The following STK10 variants were observed in gnomAD, a reference collection of about 807,000 sequenced individuals.
The protein encoded by STK10 is serine/threonine-protein kinase 10.
Under a neutral mutation model 113.8 loss-of-function variants are expected in STK10, and 78 were observed. The ratio of observed to expected loss-of-function variants is 0.69; its 90% CI spans 0.57 to 0.83. The LOEUF is 0.83. Among genes scored for constraint, STK10 ranks in the 40% least tolerant of loss-of-function variants. STK10 has a pLI of 0.00. For missense variants in STK10, 1,109 were observed against 1,280.1 expected (o/e 0.87, Z 2.04); for synonymous variants, 465 against 494.7 (o/e 0.94, Z 0.80).
At chr5:172,158,767 G>A (rs546873783) in intron 1 of STK10, among the ~76,000 whole-genome samples, 13 of 152,300 alleles carry the variant, frequency 8.5e-5, no homozygotes, top group African/African-American at 2.9e-4. Flanking sequence ...AAAACATTAT[G>A]TAAAGTGAAA....
chr5:172,161,692 A>G (rs780846382), intron 1 of STK10, among the ~76,000 whole-genome samples: 1 of 152,172 alleles, frequency 6.6e-6, no homozygotes, highest in Non-Finnish European at 1.5e-5. Flanking sequence ...AGTGCTGCTT[A>G]TATGTGTCAG....
intron 9 of STK10, chr5:172,092,679 T>G (rs1331853586): frequency 6.6e-6 from 1 of 152,200 alleles, no homozygotes; most frequent in Non-Finnish European, 1.5e-5. Flanking sequence ...TCATACAGTA[T>G]TTCCTCTAAA....
At position 172,106,709 on chromosome 5, in the gene STK10, G is replaced by C. The variant is rs141871386; in HGVS notation, c.699C>G (p.Ile233Met). 1.2e-5 allele frequency: 20 copies of C among 1,614,004 alleles called. No individual in the cohort carries two copies. The highest frequency in any genetic ancestry group is 1.7e-5 in the Non-Finnish European group (20 of 1,180,020). Residue 233 changes from isoleucine (I) to methionine (M), a missense_variant, in exon 6 of 19, where the codon ATC (isoleucine) becomes ATG (methionine). Physicochemically the swap from Ile to Met is conservative, Grantham distance 10. Transcript: ENST00000176763. ...LGITLIEMAQ[I>M]EPPHHELNPM... ...GGTTGAGCTCGTGGTGTGGCGGCTCGATCTGGGCCATCTCAATCAGCGTGA... is the reference window on the plus strand; with the variant it reads ...GGTTGAGCTCGTGGTGTGGCGGCTCCATCTGGGCCATCTCAATCAGCGTGA...
At position 172,096,477 on chromosome 5, in the gene STK10, G is replaced by A. The variant is rs142366137; in HGVS notation, c.954C>T (p.Ile318=). 1.2e-5 allele frequency: 20 copies of A among 1,613,614 alleles called. No individual in the cohort carries two copies. In the African/African-American group the frequency reaches 1.5e-4, roughly 12 times the overall value. ...AEAKAEVMEE[I]EDGRDEGEEE... Reference sequence around the variant, plus strand: ...CTTCCCCCTCATCCCGGCCGTCTTCGATCTCTTCCATCACCTCGGCCTTGG... The same window carrying A: ...CTTCCCCCTCATCCCGGCCGTCTTCAATCTCTTCCATCACCTCGGCCTTGG... Residue 318 remains isoleucine (I), a synonymous_variant, in exon 8 of 19, where the codon ATC becomes ATT. Coordinates refer to ENST00000176763, the MANE Select transcript of STK10 (RefSeq NM_005990.4).
At chr5:172,090,679 G>GC (rs1768681473) in intron 9 of STK10, among the ~76,000 whole-genome samples, 1 of 151,924 alleles carries the variant, frequency 6.6e-6, no homozygotes, top group Admixed American at 6.6e-5. Context: ...GCTTACGCTT[G>GC]TAATCCCAGC....
At chr5:172,058,890 A>AAAAAAC (rs1431629002) in intron 14 of STK10, among the ~76,000 whole-genome samples, 1 of 151,704 alleles carries the variant, frequency 6.6e-6, no homozygotes, top group South Asian at 2.1e-4. Flanking sequence ...ACTTGGTCTC[A>AAAAAAC]AAAAACAAAA....
chr5:172,143,258 C>G (rs929605817), intron 2 of STK10, among the ~76,000 whole-genome samples: 3 of 152,022 alleles, frequency 2.0e-5, no homozygotes, highest in Admixed American at 6.6e-5. Context: ...CCCAGCTACT[C>G]GGGAGGCTGA....
chr5:172,103,019 T>C (rs968145299), intron 7 of STK10, among the ~76,000 whole-genome samples: 1 of 152,132 alleles, frequency 6.6e-6, no homozygotes. Flanking sequence ...AGTCAATGAA[T>C]GAATCACAAA....
intron 1 of STK10, among the ~76,000 whole-genome samples, chr5:172,174,333 A>T (rs1770716709): frequency 6.6e-6 from 1 of 152,008 alleles, no homozygotes; most frequent in Non-Finnish European, 1.5e-5. Context: ...CATCACGCCC[A>T]GCCAATTTTT....
intron 1 of STK10, among the ~76,000 whole-genome samples, chr5:172,159,667 C>A (rs72845110): frequency 0.17 from 26,412 of 151,132 alleles, 2,361 homozygotes; most frequent in East Asian, 0.26. Flanking sequence ...ACTAAAATAC[C>A]AAAAAATCAG....
intron 1 of STK10, among the ~76,000 whole-genome samples, chr5:172,184,819 A>G (rs1357046954): frequency 1.3e-5 from 2 of 151,746 alleles, no homozygotes; most frequent in Non-Finnish European, 2.9e-5. Context: ...CACCCGGCTA[A>G]TTTTTTTATT....
chr5:172,066,780 C>G (rs531877017), intron 12 of STK10, among the ~76,000 whole-genome samples: 2 of 152,310 alleles, frequency 1.3e-5, no homozygotes, highest in East Asian at 3.9e-4. Flanking sequence ...GAGCGAGACT[C>G]CGTCTCAAAA....
At chr5:172,064,563 G>C (rs1193353104) in intron 13 of STK10, 157 bp downstream of exon 13, 2 of 695,172 alleles carry the variant, frequency 2.9e-6, no homozygotes, top group Non-Finnish European at 5.0e-6. Context: ...CTGCATGGAG[G>C]AGGGGATAAT....
chr5:172,170,348 C>A (rs1022306971), intron 1 of STK10, among the ~76,000 whole-genome samples: 2 of 152,124 alleles, frequency 1.3e-5, no homozygotes, highest in East Asian at 1.9e-4. Context: ...GGAGCCAAAG[C>A]CTTCGACTGG....
rs754768353 is a variant in STK10 at position 172,165,525 on chromosome 5, C to G, written c.157-8737G>C. ...GGCTGGGGAGCAGTGGGGGACTTGGCCAGCATCCATTCCCCCTTGTGGATT... is the reference window on the plus strand; with the variant it reads ...GGCTGGGGAGCAGTGGGGGACTTGGGCAGCATCCATTCCCCCTTGTGGATT... On this transcript the variant is annotated intron_variant, in intron 1 of 18. Transcript: ENST00000176763. Among the ~76,000 whole-genome samples the G allele has an allele frequency of 3.0e-4, 45 of 152,268 alleles. No homozygotes were observed. In the Middle Eastern group the frequency reaches 0.02, roughly 69 times the overall value.
At chr5:172,131,502 C>T (rs1390083291) in intron 2 of STK10, among the ~76,000 whole-genome samples, 1 of 152,196 alleles carries the variant, frequency 6.6e-6, no homozygotes. Flanking sequence ...TGGCTTGCTT[C>T]CTCTTCTTTA....
intron 1 of STK10, among the ~76,000 whole-genome samples, chr5:172,164,792 A>G (rs1770534926): frequency 6.6e-6 from 1 of 152,224 alleles, no homozygotes; most frequent in Non-Finnish European, 1.5e-5. Flanking sequence ...AAGGAATAGC[A>G]TAAAGAACAA....
chr5:172,053,965 A>G (rs1049542772), intron 17 of STK10, among the ~76,000 whole-genome samples: 4 of 152,230 alleles, frequency 2.6e-5, no homozygotes, highest in African/African-American at 9.6e-5. Context: ...ACACAGTGGT[A>G]ATCAGCAGAG....
intron 3 of STK10, among the ~76,000 whole-genome samples, chr5:172,127,092 C>T (rs921387795): frequency 2.0e-5 from 3 of 152,102 alleles, no homozygotes; most frequent in Admixed American, 6.6e-5. Context: ...CATTTGAACC[C>T]GGGAGGCGGA....
Sources: allele counts gnomAD v4.1 joint callset (sites outside exome capture counted in the v4.1 genomes callset), GRCh38; gene constraint gnomAD v4.1.1; transcripts MANE v1.5; gene names NCBI Gene and HGNC (gene_info 2026-07-23, HGNC 2026-07-21).